The following ADH1B variants were observed in gnomAD, a reference collection of about 807,000 sequenced individuals.
ADH1B encodes the protein all-trans-retinol dehydrogenase [NAD(+)] ADH1B.
In ADH1B, 29 loss-of-function variants were observed where a neutral mutation model predicts 34.6. The observed-to-expected ratio is 0.84, with a 90% CI of 0.62 to 1.14. ADH1B has a LOEUF of 1.14. Ranked by LOEUF, ADH1B falls within the 50% of genes most tolerant of loss-of-function variation. The pLI is 0.00. For missense variants in ADH1B, 424 were observed against 468.4 expected (o/e 0.91, Z 0.87); for synonymous variants, 170 against 175.5 (o/e 0.97, Z 0.25).
intron 3 of ADH1B, 133 bp from the exon 4 acceptor site, chr4:99,316,435 T>C (rs1733888089): frequency 1.1e-6 from 1 of 931,310 alleles, no homozygotes; most frequent in Non-Finnish European, 1.6e-6. Flanking sequence ...CAATAATAAC[T>C]ATGTCATCTT....
chr4:99,310,926 G>A lies in ADH1B; in HGVS notation c.965-23C>T, dbSNP rs368557315. The A allele has an allele frequency of 8.5e-5, 137 of 1,607,988 alleles. 1 individual carries two copies. The highest frequency in any genetic ancestry group is 1.1e-4 in the Non-Finnish European group (132 of 1,178,140). Reference sequence around the variant, plus strand: ...AGCCTGAAAAGAAGACAGTATCATTGTTGGATTCAGCTAGGGTAAGTAGGA... The same window carrying A: ...AGCCTGAAAAGAAGACAGTATCATTATTGGATTCAGCTAGGGTAAGTAGGA... On this transcript the variant is annotated intron_variant, in intron 7 of 8. Transcript: ENST00000305046.
At chr4:99,310,408 A>G in intron 8 of ADH1B, 1 of 414,890 alleles carries the variant, frequency 2.4e-6, no homozygotes, top group Non-Finnish European at 4.6e-6. Context: ...TATAGGTAGA[A>G]GGAAGAGGCT....
chr4:99,320,942 A>G (rs1166399113), intron 1 of ADH1B: 1 of 1,235,146 alleles, frequency 8.1e-7, no homozygotes, highest in Non-Finnish European at 1.0e-6. Context: ...TTGAATAAAA[A>G]TAATAACACA....
At chr4:99,307,908 C>G (rs377379177) in intron 8 of ADH1B, 44 bp from the exon 9 acceptor site, 8 of 1,613,118 alleles carry the variant, frequency 5.0e-6, no homozygotes, top group Admixed American at 3.3e-5. Context: ...TTTAGACAAC[C>G]CACATGCTTG....
At chr4:99,318,926 A>G in intron 1 of ADH1B, 40 bp from the exon 2 acceptor site, 1 of 1,588,630 alleles carries the variant, frequency 6.3e-7, no homozygotes, top group Non-Finnish European at 8.6e-7. Flanking sequence ...GTGTTTTCCC[A>G]CTCTTGAAGT....
At chr4:99,318,752 G>T in intron 2 of ADH1B, 33 bp downstream of exon 2, 2 of 1,577,474 alleles carry the variant, frequency 1.3e-6, no homozygotes, top group Non-Finnish European at 8.6e-7. Context: ...TTTTTTAAAT[G>T]TAAAATGAAA....
chr4:99,311,382 G>T (rs777570705), intron 7 of ADH1B, 139 bp downstream of exon 7: 1 of 1,100,658 alleles, frequency 9.1e-7, no homozygotes, highest in Non-Finnish European at 1.3e-6. Flanking sequence ...AGATAGAAAA[G>T]GAATTTAAAT....
intron 8 of ADH1B, among the ~76,000 whole-genome samples, chr4:99,309,532 A>G (rs1279622630): frequency 1.3e-5 from 2 of 152,114 alleles, no homozygotes; most frequent in African/African-American, 2.4e-5. Flanking sequence ...GTTCATCTCT[A>G]TATTTGCCAT....
At chr4:99,309,337 G>T (rs1356678552) in intron 8 of ADH1B, among the ~76,000 whole-genome samples, 4 of 152,104 alleles carry the variant, frequency 2.6e-5, no homozygotes, top group Non-Finnish European at 1.5e-5. Context: ...AATTACTACT[G>T]AAAGTACATG....
At chr4:99,315,852 C>T (rs759399706) in intron 5 of ADH1B, 46 bp downstream of exon 5, 9 of 1,607,844 alleles carry the variant, frequency 5.6e-6, no homozygotes, top group East Asian at 2.2e-5. Flanking sequence ...TTTTGGTTTC[C>T]GACAGTCTGC....
chr4:99,310,981 C>G lies in ADH1B; in HGVS notation c.965-78G>C. 4 of 1,543,936 alleles carry G rather than the reference C, an allele frequency of 2.6e-6. No homozygotes were observed. In the South Asian group the frequency reaches 4.7e-5, roughly 18 times the overall value. Reference sequence around the variant, plus strand: ...TGAAGAGAAGATTTTCCAAATAAATCAAAGTTTAGAAAAGGTGCTCCATTC... The same window carrying G: ...TGAAGAGAAGATTTTCCAAATAAATGAAAGTTTAGAAAAGGTGCTCCATTC... On this transcript the variant is annotated intron_variant, in intron 7 of 8. Coordinates refer to ENST00000305046, the MANE Select transcript of ADH1B (RefSeq NM_000668.6).
rs1385094004 is a variant in ADH1B, at chr4:99,305,135, A to G, written c.*2705T>C. The G allele has an allele frequency of 6.6e-6, 1 of 151,686 alleles. No individual in the cohort carries two copies. The highest frequency in any genetic ancestry group is 2.4e-5 in the African/African-American group (1 of 41,086). 9.4% of individuals were successfully genotyped at this position (151,686 alleles called of 1,614,324 possible). On this transcript the variant is annotated 3_prime_UTR_variant, in exon 9 of 9. Transcript: ENST00000305046. ...ATGAAAAAGCACCAGGATTTTAGAA[A>G]TATCTTTTTTTTTGGTCAATCATAT...
At chr4:99,315,877 A>G (rs1733868415) in intron 5 of ADH1B, 21 bp downstream of exon 5, 3 of 1,614,054 alleles carry the variant, frequency 1.9e-6, no homozygotes, top group Non-Finnish European at 2.5e-6. Flanking sequence ...AAGCAGTTTT[A>G]TCACCCATTG....
At chr4:99,308,207 G>A (rs1036717268) in intron 8 of ADH1B, among the ~76,000 whole-genome samples, 3 of 151,814 alleles carry the variant, frequency 2.0e-5, no homozygotes, top group Non-Finnish European at 4.4e-5. Context: ...ATAATAACTT[G>A]CAGTAAGTTC....
chr4:99,321,032 TTAGC>T, intron 1 of ADH1B: 1 of 681,854 alleles, frequency 1.5e-6, no homozygotes, highest in Non-Finnish European at 2.1e-6. Context: ...TCAGTCATGA[TTAGC>T]TTGGAATAAA....
At chr4:99,316,175 C>G in intron 4 of ADH1B, 40 bp downstream of exon 4, 2 of 1,614,028 alleles carry the variant, frequency 1.2e-6, no homozygotes, top group Non-Finnish European at 1.7e-6. Context: ...AAGTAATGTG[C>G]AAACTCAAAG....
In ADH1B at chr4:99,310,829, T is replaced by G; in HGVS notation, c.1039A>C (p.Ile347Leu). The change falls in exon 8 of 9, where the codon ATA becomes CTA. Residue 347 changes from isoleucine (I) to leucine (L), a missense_variant. Physicochemically the swap from Ile to Leu is conservative, Grantham distance 5. Transcript: ENST00000305046. ...MAKKFSLDAL[I>L]THVLPFEKIN... is the part of the protein sequence containing the mutation. ...TTTTCAAAAGGTAAAACATGGGTTA[T>G]TAACGCATCCAGTGAAAACTTCTTA... is the stretch of plus-strand genomic sequence containing the variant. The G allele has an allele frequency of 6.2e-7, 1 of 1,613,694 alleles. No individual in the cohort carries two copies. Among genetic ancestry groups the G allele is most frequent in the Non-Finnish European group, 8.5e-7 (1 of 1,179,778 alleles).
At chr4:99,315,475 T>A (rs1733857578) in intron 5 of ADH1B, 1 of 264,210 alleles carries the variant, frequency 3.8e-6, no homozygotes, top group African/African-American at 2.3e-5. Flanking sequence ...CTACTGTTGA[T>A]CCTATTTCTG....
chr4:99,313,595 CT>C lies in ADH1B; in HGVS notation c.828+225del, dbSNP rs28914768. On this transcript the variant is annotated intron_variant, in intron 6 of 8. Coordinates refer to ENST00000305046, the MANE Select transcript of ADH1B (RefSeq NM_000668.6). ...ATTGCTCAGTTAAGAAAAACAAACC[CT>C]TTTCTTTTCCTCTAGAGGAAATATG... 4.6e-3 allele frequency: 3,247 copies of C among 708,760 alleles called. 66 individuals carry two copies. The African/African-American group carries it at 0.049, about 11-fold the overall frequency. The allele number at this position is 708,760 out of a possible 1,614,324, so 43.9% of individuals were successfully genotyped here.
Sources: gnomAD v4.1 joint callset for allele counts (sites outside exome capture counted in the v4.1 genomes callset) on GRCh38, gnomAD v4.1.1 for gene constraint, MANE v1.5 for transcripts, NCBI Gene and HGNC (gene_info 2026-07-23, HGNC 2026-07-21) for gene names.